TNPO1: variants seen among roughly 807,000 people sequenced by gnomAD.
TNPO1 encodes transportin 1.
In TNPO1, 8 loss-of-function variants were observed where a neutral mutation model predicts 119.5. The ratio of observed to expected loss-of-function variants is 0.07; its 90% CI spans 0.04 to 0.12. TNPO1 has a LOEUF of 0.12. Among genes scored for constraint, TNPO1 ranks in the 10% least tolerant of loss-of-function variants. The probability of loss-of-function intolerance (pLI) is 1.00; values close to 1 mark genes in which losing one functional copy is unlikely to be tolerated. For missense variants in TNPO1, 576 were observed against 1,089.8 expected (o/e 0.53, Z 6.64); for synonymous variants, 362 against 363.0 (o/e 1.00, Z 0.03).
intron 2 of TNPO1, among the ~76,000 whole-genome samples, chr5:72,850,241 A>G (rs538778217): frequency 3.4e-4 from 52 of 152,252 alleles, no homozygotes; most frequent in Non-Finnish European, 3.4e-4. Context: ...GTAAAAAGGT[A>G]AACTTTATCA....
At chr5:72,905,153 G>A (rs1456899074) in intron 23 of TNPO1, 150 bp from the exon 24 acceptor site, 2 of 589,702 alleles carry the variant, frequency 3.4e-6, no homozygotes, top group Non-Finnish European at 3.0e-6. Context: ...ATATTAGCAG[G>A]GAATGGTGTA....
At chr5:72,816,897 A>C (rs1387787619) in intron 1 of TNPO1, 145 bp downstream of exon 1, 1 of 1,066,698 alleles carries the variant, frequency 9.4e-7, no homozygotes, top group African/African-American at 1.7e-5. Flanking sequence ...GCCGAGAGGC[A>C]GCGGCGGCGC....
chr5:72,905,348 C>T lies in TNPO1; in HGVS notation c.2635C>T (p.Arg879Cys). 6 of 1,611,666 alleles carry T rather than the reference C, an allele frequency of 3.7e-6. No homozygotes were observed. Among genetic ancestry groups the T allele is most frequent in the South Asian group, 1.1e-5 (1 of 90,944 alleles). Residue 879 changes from arginine (R) to cysteine (C), a missense_variant, in exon 24 of 25, where the codon CGT becomes TGT. Arg to Cys is a radical substitution (Grantham distance 180, BLOSUM62 -3). This residue lies in a region of TNPO1 where 162 missense variants were observed against 294.1 expected (regional missense o/e 0.55). Transcript: ENST00000337273. ...TCAAGTTGGCGATGAAAATTGGAGGCGTTTCTCTGACCAGTTTCCTCTTCC... is the reference window on the plus strand; with the variant it reads ...TCAAGTTGGCGATGAAAATTGGAGGTGTTTCTCTGACCAGTTTCCTCTTCC... ...KNQVGDENWRRFSDQFPLPLK... is the reference protein window; with the variant it reads ...KNQVGDENWRCFSDQFPLPLK...
chr5:72,817,312 A>G (rs995390474), intron 1 of TNPO1, among the ~76,000 whole-genome samples: 3 of 152,122 alleles, frequency 2.0e-5, no homozygotes, highest in Non-Finnish European at 4.4e-5. Flanking sequence ...TGGCCTCACG[A>G]CATGTTTACA....
chr5:72,864,984 C>T (rs1746771220), intron 5 of TNPO1, among the ~76,000 whole-genome samples: 2 of 152,140 alleles, frequency 1.3e-5, no homozygotes, highest in South Asian at 4.1e-4. Flanking sequence ...AACTACTCTT[C>T]TATGTAAATG....
intron 11 of TNPO1, among the ~76,000 whole-genome samples, chr5:72,886,328 A>G (rs266447): frequency 0.11 from 17,469 of 152,168 alleles, 1,484 homozygotes; most frequent in East Asian, 0.35. Context: ...AGTCCAGCTA[A>G]GTAATTGTCT....
At chr5:72,886,935 A>G (rs961696771) in intron 11 of TNPO1, 135 bp from the exon 12 acceptor site, 37 of 784,430 alleles carry the variant, frequency 4.7e-5, no homozygotes, top group Middle Eastern at 4.3e-4. Flanking sequence ...TCACGTGACA[A>G]ACTACCTCCT....
rs766827986 is a variant in TNPO1 at position 72,900,962 on chromosome 5, G to A, written c.2415-12G>A. 4 of 1,589,242 alleles carry A rather than the reference G, an allele frequency of 2.5e-6. No homozygotes were observed. In the South Asian group the frequency reaches 3.4e-5, roughly 14 times the overall value. On this transcript the variant is annotated splice_polypyrimidine_tract_variant and intron_variant, in intron 21 of 24. Coordinates refer to ENST00000337273, the MANE Select transcript of TNPO1 (RefSeq NM_002270.4). ...TTACTTAAATGCTAAACTCAATTCT[G>A]TAATTCAATAGGTGCACCTCTCTGA...
At chr5:72,906,264 C>CTTTTTTTTTT (rs11356390) in intron 24 of TNPO1, among the ~76,000 whole-genome samples, 1 of 90,238 alleles carries the variant, frequency 1.1e-5, no homozygotes. Flanking sequence ...GTGCCCATCA[C>CTTTTTTTTTT]TTTTTTTTTT....
At position 72,858,688 on chromosome 5, in the gene TNPO1, T is replaced by C. The variant is rs570088438; in HGVS notation, c.355+2765T>C. 3.9e-5 allele frequency among the ~76,000 whole-genome samples: 6 copies of C among 152,118 alleles called. No individual in the cohort carries two copies. The East Asian group carries it at 1.2e-3, about 30-fold the overall frequency. Reference sequence around the variant, plus strand: ...CCGTCTCTACTAAAAATACAAAAAATTATCCGGGTGTGGTGGTGGGCACCT... The same window carrying C: ...CCGTCTCTACTAAAAATACAAAAAACTATCCGGGTGTGGTGGTGGGCACCT... On this transcript the variant is annotated intron_variant, in intron 4 of 24. Transcript: ENST00000337273.
chr5:72,889,048 A>G (rs181946464), intron 13 of TNPO1, among the ~76,000 whole-genome samples: 464 of 152,238 alleles, frequency 3.0e-3, no homozygotes, highest in Admixed American at 4.5e-3. Context: ...GTTGAACAAA[A>G]AAAAGGAAAA....
intron 1 of TNPO1, among the ~76,000 whole-genome samples, chr5:72,841,813 C>T (rs1425071551): frequency 6.6e-6 from 1 of 151,834 alleles, no homozygotes; most frequent in Non-Finnish European, 1.5e-5. Flanking sequence ...CTTTAAATAG[C>T]ATGCTCTTTT....
Position 72,909,010 on chromosome 5 carries a change from T to G in TNPO1, c.*337T>G, listed in dbSNP as rs1750372998. On this transcript the variant is annotated 3_prime_UTR_variant, in exon 25 of 25. Coordinates refer to ENST00000337273, the MANE Select transcript of TNPO1 (RefSeq NM_002270.4). ...TACATTGTGGAATATTATGGGGAAT[T>G]GTACCAAAACAAGAACCATATAAAT... 2 of 373,366 alleles carry G rather than the reference T, an allele frequency of 5.4e-6. No individual in the cohort carries two copies. Among genetic ancestry groups the G allele is most frequent in the Admixed American group, 6.3e-5 (2 of 31,736 alleles). The allele number at this position is 373,366 out of a possible 1,614,324, so 23.1% of individuals were successfully genotyped here. A position where few individuals can be genotyped will look rare whatever the true frequency, so the allele number is the denominator to read the frequency against.
chr5:72,889,858 G>T lies in TNPO1; in HGVS notation c.1602G>T (p.Leu534=). The T allele has an allele frequency of 6.2e-7, 1 of 1,612,924 alleles. No individual in the cohort carries two copies. The highest frequency in any genetic ancestry group is 8.5e-7 in the Non-Finnish European group (1 of 1,179,708). ...ACCTTGCTTATATACTTGATACCCT[G>T]GTCTTTGCATTTAGTAAATACCAGC... ...VPYLAYILDT[L]VFAFSKYQHK... is the part of the protein sequence containing the mutation. Residue 534 remains leucine, a synonymous_variant, in exon 14 of 25, where the codon CTG becomes CTT. Transcript: ENST00000337273.
At chr5:72,857,207 A>G (rs530711657) in intron 4 of TNPO1, among the ~76,000 whole-genome samples, 1 of 151,910 alleles carries the variant, frequency 6.6e-6, no homozygotes, top group African/African-American at 2.4e-5. Context: ...AATCCCAGCT[A>G]CTTGGGAGCC....
At position 72,910,054 on chromosome 5, in the gene TNPO1, A is replaced by C. The variant is rs2112524972; in HGVS notation, c.*1381A>C. On this transcript the variant is annotated 3_prime_UTR_variant, in exon 25 of 25. Transcript: ENST00000337273. The stretch of plus-strand genomic sequence containing the variant: ...TTGCTATATTTCAATGTTTATTCCC[A>C]CTCAACATACTGCCTTCTAAGCTTC... The C allele has an allele frequency of 6.5e-6, 1 of 152,732 alleles. No individual in the cohort carries two copies. The highest frequency in any genetic ancestry group is 1.9e-4 in the East Asian group (1 of 5,194). The allele number at this position is 152,732 out of a possible 1,614,324, so 9.5% of individuals were successfully genotyped here. A position where few individuals can be genotyped will look rare whatever the true frequency, so the allele number is the denominator to read the frequency against.
chr5:72,896,620 A>T, intron 19 of TNPO1, 64 bp downstream of exon 19: 1 of 1,334,436 alleles, frequency 7.5e-7, no homozygotes, highest in Non-Finnish European at 1.1e-6. Context: ...CTGTAATCCC[A>T]GCACTTCGGG....
chr5:72,873,423 G>A (rs1252329494), intron 7 of TNPO1, among the ~76,000 whole-genome samples: 1 of 152,120 alleles, frequency 6.6e-6, no homozygotes, highest in Non-Finnish European at 1.5e-5. Flanking sequence ...GAAGAGTAGG[G>A]GGGGTTACGT....
intron 4 of TNPO1, 120 bp downstream of exon 4, chr5:72,856,043 T>C (rs1248189857): frequency 2.9e-5 from 29 of 1,012,766 alleles, no homozygotes; most frequent in Admixed American, 1.6e-4. Flanking sequence ...GGGGAAACTT[T>C]CATTGCCTTT....
Sources: allele counts gnomAD v4.1 joint callset (sites outside exome capture counted in the v4.1 genomes callset), GRCh38; gene constraint gnomAD v4.1.1; regional missense constraint gnomAD v4.1.1; transcripts MANE v1.5; gene names NCBI Gene and HGNC (gene_info 2026-07-23, HGNC 2026-07-21).